XPC: variants seen among roughly 807,000 people sequenced by gnomAD.
XPC encodes XPC complex subunit, DNA damage recognition and repair factor.
A neutral mutation model predicts 95.8 loss-of-function variants in XPC; 76 were observed. The ratio of observed to expected loss-of-function variants is 0.79; its 90% CI spans 0.66 to 0.96. The LOEUF is 0.96. Among genes scored for constraint, XPC ranks in the 40% least tolerant of loss-of-function variants. XPC has a pLI of 0.00. For missense variants in XPC, 1,146 were observed against 1,179.8 expected, an observed-to-expected ratio of 0.97 and a Z score of 0.42; for synonymous variants, 442 against 442.1, an observed-to-expected ratio of 1.00 and a Z score of 0.00.
Position 14,156,365 on chromosome 3 carries a change from C to A in XPC, c.2003G>T (p.Gly668Val), listed in dbSNP as rs1164076766. 1 of 1,613,840 alleles carries A rather than the reference C, an allele frequency of 6.2e-7. No individual in the cohort carries two copies. The highest frequency in any genetic ancestry group is 8.5e-7 in the Non-Finnish European group (1 of 1,179,838). ...AIYPETAAIL[G>V]YCRGEAVYSR... Reference sequence around the variant, plus strand: ...GTAGACCGCTTCTCCACGACAATACCCAAGGATGGCAGCTGTCTCGGGATA... The same window carrying A: ...GTAGACCGCTTCTCCACGACAATACACAAGGATGGCAGCTGTCTCGGGATA... The change falls in exon 10 of 16, where the codon GGG (glycine) becomes GTG (valine). Residue 668 changes from glycine (G) to valine (V), a missense_variant. Physicochemically the swap from Gly to Val is moderately radical, Grantham distance 109. Coordinates refer to ENST00000285021, the MANE Select transcript of XPC (RefSeq NM_004628.5).
In XPC at chr3:14,146,058, G is replaced by A. The variant is rs775854830; in HGVS notation, c.2706C>T (p.Ala902=). ...SQAEAARILA[A]SWPQNREDEE... ...CATCTTCTCGGTTTTGAGGCCAGGA[G>A]GCAGCCAGTATCCTGGCCGCTTCTG... is the stretch of plus-strand genomic sequence containing the variant. Residue 902 remains alanine (A), a synonymous_variant, in exon 16 of 16, where the codon GCC becomes GCT. Coordinates refer to ENST00000285021, the MANE Select transcript of XPC (RefSeq NM_004628.5). The A allele has an allele frequency of 6.2e-7, 1 of 1,612,808 alleles. No individual in the cohort carries two copies. Among genetic ancestry groups the A allele is most frequent in the South Asian group, 1.1e-5 (1 of 90,968 alleles).
chr3:14,161,447 C>CA (rs1696161649), intron 7 of XPC, among the ~76,000 whole-genome samples: 1 of 151,248 alleles, frequency 6.6e-6, no homozygotes, highest in Admixed American at 6.6e-5. Flanking sequence ...ACAAATTGAA[C>CA]ATATGAAAAG....
intron 1 of XPC, 158 bp downstream of exon 1, chr3:14,178,308 C>A (rs1345730022): frequency 1.3e-6 from 1 of 791,956 alleles, no homozygotes; most frequent in East Asian, 3.1e-5. Context: ...GCGGGGACAG[C>A]GGGGAGGGCC....
At position 14,165,549 on chromosome 3, in the gene XPC, G is replaced by T; in HGVS notation, c.658C>A (p.Arg220=). 1 of 1,612,938 alleles carries T rather than the reference G, an allele frequency of 6.2e-7. No homozygotes were observed. The highest frequency in any genetic ancestry group is 8.5e-7 in the Non-Finnish European group (1 of 1,179,534). ...LLCLLANGFY[R]NNICSQPDLH... ...TCTGGCTGGCTGCAGATGTTATTTC[G>T]ATAGAAGCCATTTGCTAGCAGGCAG... Residue 220 remains arginine, a synonymous_variant, in exon 6 of 16, where the codon CGA becomes AGA. Coordinates refer to ENST00000285021, the MANE Select transcript of XPC (RefSeq NM_004628.5).
intron 3 of XPC, among the ~76,000 whole-genome samples, chr3:14,170,071 G>A (rs1182282496): frequency 6.6e-6 from 1 of 152,232 alleles, no homozygotes; most frequent in Non-Finnish European, 1.5e-5. Flanking sequence ...TCAGTTCAGA[G>A]AGGTGAAGTT....
intron 7 of XPC, among the ~76,000 whole-genome samples, chr3:14,160,392 G>C (rs1167873642): frequency 6.6e-6 from 1 of 152,192 alleles, no homozygotes; most frequent in East Asian, 1.9e-4. Flanking sequence ...TTGGAAGTCT[G>C]GGAGCCCCTC....
At position 14,147,985 on chromosome 3, in the gene XPC, CG is replaced by C. The variant is rs770933601; in HGVS notation, c.2436del (p.Ile812MetfsTer11). On this transcript the variant is annotated frameshift_variant, in exon 14 of 16. Transcript: ENST00000285021. LOFTEE classifies it high-confidence loss of function. Reference protein sequence around the residue: ...GYSHPVTDGYIVCEEFKDVLL... With the variant: ...GYSHPVTDGYXVCEEFKDVLL... Reference sequence around the variant, plus strand: ...AGCACGTCTTTGAATTCCTCGCAGACGATGTATCCATCAGTCCTGTGGGGAC... The same window carrying C: ...AGCACGTCTTTGAATTCCTCGCAGACATGTATCCATCAGTCCTGTGGGGAC... 2 of 1,590,108 alleles carry C rather than the reference CG, an allele frequency of 1.3e-6. No homozygotes were observed. The highest frequency in any genetic ancestry group is 1.7e-6 in the Non-Finnish European group (2 of 1,167,306).
At chr3:14,156,170 T>C (rs1182861402) in intron 10 of XPC, among the ~76,000 whole-genome samples, 165 bp downstream of exon 10, 1 of 152,182 alleles carries the variant, frequency 6.6e-6, no homozygotes, top group Non-Finnish European at 1.5e-5. Context: ...TTTTCAAATT[T>C]TCTTCTCTCC....
Position 14,164,818 on chromosome 3 carries a change from C to T in XPC, c.895G>A (p.Val299Ile). Residue 299 changes from valine to isoleucine, a missense_variant, in exon 7 of 16, where the codon GTC becomes ATC. Physicochemically the swap from Val to Ile is conservative, Grantham distance 29. Coordinates refer to ENST00000285021, the MANE Select transcript of XPC (RefSeq NM_004628.5). Reference protein sequence around the residue: ...IYSARDDEELVHIFLLILRAL... With the variant: ...IYSARDDEELIHIFLLILRAL... ...GATCCGGGAGGATCACTTACATGGA[C>T]CAATTCCTCATCATCTCGAGCAGAG... The T allele has an allele frequency of 6.2e-7, 1 of 1,613,022 alleles. No homozygotes were observed. Among genetic ancestry groups the T allele is most frequent in the Non-Finnish European group, 8.5e-7 (1 of 1,179,542 alleles).
In XPC at chr3:14,145,464, G is replaced by A. The variant is rs1695379352; in HGVS notation, c.*477C>T. ...AGCCTGACTCAGGGGAAGGTAAGTG[G>A]CCTGCAGAGAAATGGTCCTAGGTCC... is the stretch of plus-strand genomic sequence containing the variant. On this transcript the variant is annotated 3_prime_UTR_variant, in exon 16 of 16. Coordinates refer to ENST00000285021, the MANE Select transcript of XPC (RefSeq NM_004628.5). The A allele has an allele frequency of 7.2e-6, 5 of 695,516 alleles. No individual in the cohort carries two copies. The highest frequency in any genetic ancestry group is 2.0e-5 in the Admixed American group (1 of 49,806). The allele number at this position is 695,516 out of a possible 1,614,324, so 43.1% of individuals were successfully genotyped here.
chr3:14,158,128 G>T lies in XPC; in HGVS notation c.1755C>A (p.Tyr585Ter), dbSNP rs770336067. 6.2e-7 allele frequency: 1 copy of T among 1,613,870 alleles called. No homozygotes were observed. Among genetic ancestry groups the T allele is most frequent in the Non-Finnish European group, 8.5e-7 (1 of 1,179,878 alleles). Reference protein sequence around the residue: ...DGWVRDVTQRYDPVWMTVTRK... With the variant: ...DGWVRDVTQR Reference sequence around the variant, plus strand: ...GGGTCACTGTCATCCAGACTGGGTCGTACCTCTGTGTGACATCTCGGACCC... The same window carrying T: ...GGGTCACTGTCATCCAGACTGGGTCTTACCTCTGTGTGACATCTCGGACCC... The change falls in exon 9 of 16, where the codon TAC becomes TAA. Residue 585 changes from tyrosine (Y) to a stop codon, truncating the protein, a stop_gained. Coordinates refer to ENST00000285021, the MANE Select transcript of XPC (RefSeq NM_004628.5). LOFTEE classifies it high-confidence loss of function. The surrounding 1 kb of genome is among the most constrained non-coding windows in gnomAD (Gnocchi z 5.2).
At chr3:14,159,872 T>C (rs1696098666) in intron 7 of XPC, 42 bp from the exon 8 acceptor site, 2 of 1,525,300 alleles carry the variant, frequency 1.3e-6, no homozygotes, top group Non-Finnish European at 1.8e-6. Context: ...AAGAAAGTAA[T>C]TAAAGATGTA....
chr3:14,152,016 G>T (rs533761582), intron 11 of XPC, among the ~76,000 whole-genome samples: 1 of 152,074 alleles, frequency 6.6e-6, no homozygotes, highest in South Asian at 2.1e-4. Flanking sequence ...ATAAAGCAGG[G>T]CTCTGACCTC....
At chr3:14,147,025 G>A (rs991942843) in intron 15 of XPC, among the ~76,000 whole-genome samples, 2 of 152,194 alleles carry the variant, frequency 1.3e-5, no homozygotes, top group Non-Finnish European at 2.9e-5. Context: ...CGCCAAATCA[G>A]ACCCATGGCA....
chr3:14,155,070 G>C (rs1262809757), intron 10 of XPC, among the ~76,000 whole-genome samples: 1 of 152,058 alleles, frequency 6.6e-6, no homozygotes, highest in African/African-American at 2.4e-5. Flanking sequence ...TTGACTGCTG[G>C]GTGCTAAAGT....
At chr3:14,172,559 A>G (rs574532384) in intron 2 of XPC, among the ~76,000 whole-genome samples, 5 of 152,314 alleles carry the variant, frequency 3.3e-5, no homozygotes, top group Admixed American at 6.5e-5. Context: ...AATGGCAGGT[A>G]AATATTTTGT....
At position 14,178,593 on chromosome 3, in the gene XPC, T is replaced by C; in HGVS notation, c.-25A>G. 6.2e-7 allele frequency: 1 copy of C among 1,612,240 alleles called. No homozygotes were observed. Among genetic ancestry groups the C allele is most frequent in the South Asian group, 1.1e-5 (1 of 91,058 alleles). On this transcript the variant is annotated 5_prime_UTR_variant, in exon 1 of 16. Coordinates refer to ENST00000285021, the MANE Select transcript of XPC (RefSeq NM_004628.5). ...TGTTGCTTGTCTGGGCAAATTCCAC[T>C]TCGCGAGTGACGCACCCGGCCGCGA...
chr3:14,146,257 GC>G, intron 15 of XPC, 98 bp from the exon 16 acceptor site: 1 of 1,139,462 alleles, frequency 8.8e-7, no homozygotes, highest in Non-Finnish European at 1.3e-6. Context: ...CCTGCCCTAA[GC>G]TGTGTAACTC....
At chr3:14,157,955 G>A (rs1695985768) in intron 9 of XPC, 56 bp downstream of exon 9, 3 of 1,533,800 alleles carry the variant, frequency 2.0e-6, no homozygotes, top group African/African-American at 1.4e-5. Context: ...CTCAAAAACA[G>A]GAATAATTTT....
Sources: allele counts gnomAD v4.1 joint callset (sites outside exome capture counted in the v4.1 genomes callset), GRCh38; gene constraint gnomAD v4.1.1; non-coding constraint Gnocchi (gnomAD v3.1); transcripts MANE v1.5; gene names NCBI Gene and HGNC (gene_info 2026-07-23, HGNC 2026-07-21).